ZBTB40: variants seen among roughly 807,000 people sequenced by gnomAD.
ZBTB40 encodes zinc finger and BTB domain containing 40, also known as zinc finger and BTB domain-containing protein 40.
ZBTB40 carries 60 observed loss-of-function variants against 117.5 expected under a neutral mutation model. The ratio of observed to expected loss-of-function variants is 0.51; its 90% CI spans 0.41 to 0.63. The LOEUF (loss-of-function observed/expected upper bound fraction) is 0.63. ZBTB40 is among the 30% of genes least tolerant of loss of function. The probability of loss-of-function intolerance (pLI) is 0.00; values close to 1 mark genes in which losing one functional copy is unlikely to be tolerated. For missense variants in ZBTB40, 1,287 were observed against 1,498.5 expected, an observed-to-expected ratio of 0.86 and a Z score of 2.33; for synonymous variants, 525 against 577.1, an observed-to-expected ratio of 0.91 and a Z score of 1.29.
At position 22,502,505 on chromosome 1, in the gene ZBTB40, G is replaced by A. The variant is rs1438251714; in HGVS notation, c.1167+64G>A. 6 of 1,601,216 alleles carry A rather than the reference G, an allele frequency of 3.7e-6. No individual in the cohort carries two copies. In the East Asian group the frequency reaches 1.1e-4, roughly 30 times the overall value. On this transcript the variant is annotated intron_variant, in intron 5 of 17. Coordinates refer to ENST00000375647, the MANE Select transcript of ZBTB40 (RefSeq NM_014870.4). ...ATATAGCACTTAAAAAAATGCTTTT[G>A]TGGCACATAGCACTTTATACTTTGC...
chr1:22,507,784 A>G (rs1639111182), intron 6 of ZBTB40, among the ~76,000 whole-genome samples: 1 of 152,184 alleles, frequency 6.6e-6, no homozygotes, highest in Admixed American at 6.5e-5. Flanking sequence ...ACTGACTTTC[A>G]AAGCGTTAAC....
chr1:22,436,736 A>C (rs2124363481), intron 1 of ZBTB40, among the ~76,000 whole-genome samples: 1 of 152,302 alleles, frequency 6.6e-6, no homozygotes, highest in South Asian at 2.1e-4. Context: ...AGCCAGGCAC[A>C]AAACACTACA....
At chr1:22,469,286 C>T (rs914188060) in intron 1 of ZBTB40, among the ~76,000 whole-genome samples, 1 of 152,144 alleles carries the variant, frequency 6.6e-6, no homozygotes, top group African/African-American at 2.4e-5. Context: ...AAAGCCTCTT[C>T]CAGTTATGTT....
chr1:22,503,102 G>A (rs1638986835), intron 5 of ZBTB40, among the ~76,000 whole-genome samples: 1 of 120,910 alleles, frequency 8.3e-6, no homozygotes, highest in Non-Finnish European at 1.6e-5. Context: ...TTATCATTGA[G>A]CATTAGTATC....
At chr1:22,487,219 T>G (rs1056911539) in intron 1 of ZBTB40, among the ~76,000 whole-genome samples, 1 of 152,214 alleles carries the variant, frequency 6.6e-6, no homozygotes, top group African/African-American at 2.4e-5. Context: ...CATACCAGAA[T>G]GGAAACTGGA....
chr1:22,490,112 A>T lies in ZBTB40; in HGVS notation c.164A>T (p.Asn55Ile). ...CTCCTGTTCAAAACCCTGCTGGATAACACAGATACCATCTCCATCGATGCA... is the reference window on the plus strand; with the variant it reads ...CTCCTGTTCAAAACCCTGCTGGATATCACAGATACCATCTCCATCGATGCA... ...ASLLFKTLLD[N>I]TDTISIDASV... is the part of the protein sequence containing the mutation. Residue 55 changes from asparagine (N) to isoleucine (I), a missense_variant, in exon 2 of 18, where the codon AAC becomes ATC. This residue lies in a region of ZBTB40 where 870 missense variants were observed against 934.4 expected (regional missense o/e 0.93). Transcript: ENST00000375647. 1 of 1,614,154 alleles carries T rather than the reference A, an allele frequency of 6.2e-7. No homozygotes were observed. Among genetic ancestry groups the T allele is most frequent in the Non-Finnish European group, 8.5e-7 (1 of 1,180,022 alleles).
chr1:22,527,013 T>C lies in ZBTB40; in HGVS notation c.*617T>C, dbSNP rs1000723634. The C allele has an allele frequency of 1.2e-5, 2 of 160,808 alleles. No homozygotes were observed. Among genetic ancestry groups the C allele is most frequent in the East Asian group, 1.8e-4 (1 of 5,662 alleles). The allele number at this position is 160,808 out of a possible 1,614,324, so 10.0% of individuals were successfully genotyped here. A position where few individuals can be genotyped will look rare whatever the true frequency, so the allele number is the denominator to read the frequency against. On this transcript the variant is annotated 3_prime_UTR_variant, in exon 18 of 18. Transcript: ENST00000375647. The stretch of plus-strand genomic sequence containing the variant: ...ATGGCTATAGGACAGGTAGCCCTCA[T>C]TTCCATGCCTGATAACCCCTTGTCA...
rs375926097 is a variant in ZBTB40, at chr1:22,502,394, T to A, written c.1120T>A (p.Ser374Thr). ...AACACAGCTGAGACCTATTATGGAG[T>A]CCCTGGAAACAGCCAAGGAGGAATT... ...CVTQLRPIMESLETAKEEFLT... is the reference protein window; with the variant it reads ...CVTQLRPIMETLETAKEEFLT... Residue 374 changes from serine (S) to threonine (T), a missense_variant, in exon 5 of 18, where the codon TCC becomes ACC. Around this residue, in one of 2 missense-constraint regions of ZBTB40, gnomAD observed 870 missense variants for 934.4 expected, o/e 0.93. Transcript: ENST00000375647. The A allele has an allele frequency of 2.4e-5, 39 of 1,613,780 alleles. No homozygotes were observed. The highest frequency in any genetic ancestry group is 7.7e-5 in the South Asian group (7 of 91,076).
intron 17 of ZBTB40, among the ~76,000 whole-genome samples, chr1:22,525,681 CGTGGAGTCACA>C (rs1639656673): frequency 6.6e-6 from 1 of 152,372 alleles, no homozygotes; most frequent in South Asian, 2.1e-4. Context: ...TGAATGAATG[CGTGGAGTCACA>C]GTTCATCCAG....
At chr1:22,434,053 C>G (rs970692124) in intron 1 of ZBTB40, among the ~76,000 whole-genome samples, 1 of 152,064 alleles carries the variant, frequency 6.6e-6, no homozygotes, top group African/African-American at 2.4e-5. Flanking sequence ...GCATAGGGAT[C>G]GTAGAGTGGA....
At chr1:22,499,137 A>C (rs1557508402) in intron 3 of ZBTB40, among the ~76,000 whole-genome samples, 3 of 152,022 alleles carry the variant, frequency 2.0e-5, no homozygotes, top group Non-Finnish European at 2.9e-5. Flanking sequence ...TTCTAAGCCC[A>C]CTCTCATGGC....
intron 5 of ZBTB40, among the ~76,000 whole-genome samples, chr1:22,503,019 T>C (rs1638983571): frequency 6.6e-6 from 1 of 152,146 alleles, no homozygotes; most frequent in South Asian, 2.1e-4. Context: ...ATATAGAACA[T>C]ATGGTTTTCT....
chr1:22,491,493 A>C lies in ZBTB40; in HGVS notation c.791A>C (p.Lys264Thr). Reference sequence around the variant, plus strand: ...ATGGTTACCCAGGATGTTTTAAAAAAACTAGAAATGTGTTCAGAAATTAAA... The same window carrying C: ...ATGGTTACCCAGGATGTTTTAAAAACACTAGAAATGTGTTCAGAAATTAAA... ...ALMVTQDVLK[K>T]LEMCSEIKGP... Residue 264 changes from lysine (K) to threonine (T), a missense_variant, in exon 3 of 18, where the codon AAA becomes ACA. Transcript: ENST00000375647. 1 of 1,614,070 alleles carries C rather than the reference A, an allele frequency of 6.2e-7. No individual in the cohort carries two copies. The highest frequency in any genetic ancestry group is 8.5e-7 in the Non-Finnish European group (1 of 1,179,966).
At chr1:22,524,533 T>A in intron 17 of ZBTB40, 89 bp downstream of exon 17, 1 of 1,357,698 alleles carries the variant, frequency 7.4e-7, no homozygotes, top group Non-Finnish European at 1.0e-6. Flanking sequence ...TACCCAGAGA[T>A]ACTCTTTGGG....
At chr1:22,497,153 A>C (rs1343962363) in intron 3 of ZBTB40, among the ~76,000 whole-genome samples, 1 of 152,200 alleles carries the variant, frequency 6.6e-6, no homozygotes, top group Admixed American at 6.5e-5. Flanking sequence ...TGTATACAGC[A>C]AAGTGGATCT....
At chr1:22,462,214 G>A (rs1641148623) in intron 1 of ZBTB40, among the ~76,000 whole-genome samples, 1 of 152,198 alleles carries the variant, frequency 6.6e-6, no homozygotes, top group Admixed American at 6.5e-5. Context: ...AAATTTTAAA[G>A]TTTGGGCAGT....
chr1:22,433,832 A>G (rs7530165), intron 1 of ZBTB40, among the ~76,000 whole-genome samples: 103,509 of 151,172 alleles, frequency 0.68, 39,044 homozygotes, highest in East Asian at 0.92. Flanking sequence ...AAACTGCATA[A>G]TATGCCATTA....
intron 1 of ZBTB40, among the ~76,000 whole-genome samples, chr1:22,471,450 CTG>C (rs1442785537): frequency 5.9e-5 from 9 of 152,236 alleles, no homozygotes; most frequent in Non-Finnish European, 2.9e-5. Context: ...AACTTATTAG[CTG>C]TGTGGTCTTG....
chr1:22,470,202 T>C (rs1391331734), intron 1 of ZBTB40, among the ~76,000 whole-genome samples: 1 of 152,258 alleles, frequency 6.6e-6, no homozygotes, highest in African/African-American at 2.4e-5. Flanking sequence ...ATCAATTCTT[T>C]CATCTGTAAA....
Sources: allele counts gnomAD v4.1 joint callset (sites outside exome capture counted in the v4.1 genomes callset), GRCh38; gene constraint gnomAD v4.1.1; regional missense constraint gnomAD v4.1.1; transcripts MANE v1.5; gene names NCBI Gene and HGNC (gene_info 2026-07-23, HGNC 2026-07-21).